The following NLRP9 variants were observed in gnomAD, a reference collection of about 807,000 sequenced individuals.
The protein encoded by NLRP9 is NACHT, LRR and PYD domains-containing protein 9.
A neutral mutation model predicts 83.1 loss-of-function variants in NLRP9; 88 were observed. The ratio of observed to expected loss-of-function variants is 1.06; its 90% CI spans 0.89 to 1.26. The LOEUF is 1.26. Ranked by LOEUF, NLRP9 falls within the 50% of genes most tolerant of loss-of-function variation. The pLI, the probability that NLRP9 is intolerant of heterozygous loss-of-function variation, is 0.00. For missense variants in NLRP9, 1,308 were observed against 1,179.3 expected, an observed-to-expected ratio of 1.11 and a Z score of -1.60; for synonymous variants, 521 against 447.6, an observed-to-expected ratio of 1.16 and a Z score of -2.07.
rs188191573 is a variant in NLRP9 at position 55,718,428 on chromosome 19, T to C, written c.2160-1530A>G. ...GGAATGGAATGTCTAGGTGTAAAGC[T>C]GACCATTCCCATTCATTCCATTCTG... On this transcript the variant is annotated intron_variant, in intron 4 of 8. Coordinates refer to ENST00000332836, the MANE Select transcript of NLRP9 (RefSeq NM_176820.4). Among the ~76,000 whole-genome samples the C allele has an allele frequency of 2.5e-3, 382 of 152,334 alleles. 2 individuals are homozygous for C. The highest frequency in any genetic ancestry group is 4.2e-3 in the Non-Finnish European group (288 of 68,030).
chr19:55,728,380 G>T (rs1568601314), intron 3 of NLRP9, among the ~76,000 whole-genome samples: 1 of 152,046 alleles, frequency 6.6e-6, no homozygotes, highest in East Asian at 1.9e-4. Context: ...TTTGAGACCA[G>T]CCTGGCCAAC....
Position 55,732,235 on chromosome 19 carries a change from T to A in NLRP9, c.1596A>T (p.Gln532His). 1.9e-6 allele frequency: 3 copies of A among 1,614,018 alleles called. No homozygotes were observed. The highest frequency in any genetic ancestry group is 2.5e-6 in the Non-Finnish European group (3 of 1,179,894). The change falls in exon 2 of 9, where the codon CAA becomes CAT. Residue 532 changes from glutamine to histidine, a missense_variant. Coordinates refer to ENST00000332836, the MANE Select transcript of NLRP9 (RefSeq NM_176820.4). ...EITQCLESLSQCEADREAIAF... is the reference protein window; with the variant it reads ...EITQCLESLSHCEADREAIAF... Reference sequence around the variant, plus strand: ...CTATGGCTTCCCTATCAGCTTCACATTGACTTAAACTTTCAAGGCATTGGG... The same window carrying A: ...CTATGGCTTCCCTATCAGCTTCACAATGACTTAAACTTTCAAGGCATTGGG...
In NLRP9 at chr19:55,733,919, A is replaced by ATTTTTTTTTTTTTTTTTTTTTTTTTTTTT. The variant is rs765779528; in HGVS notation, c.281-370_281-369insAAAAAAAAAAAAAAAAAAAAAAAAAAAAA. On this transcript the variant is annotated intron_variant, in intron 1 of 8. Transcript: ENST00000332836. Reference sequence around the variant, plus strand: ...ATAAACTCAACCAGTTGTCAACCAAATTTTTTTTTTTTTTTTTTTTTGAGA... The same window carrying ATTTTTTTTTTTTTTTTTTTTTTTTTTTTT: ...ATAAACTCAACCAGTTGTCAACCAAATTTTTTTTTTTTTTTTTTTTTTTTTTTTTTTTTTTTTTTTTTTTTTTTTTGAGA... Among the ~76,000 whole-genome samples, 5 of 117,866 alleles carry ATTTTTTTTTTTTTTTTTTTTTTTTTTTTT rather than the reference A, an allele frequency of 4.2e-5. 1 individual carries two copies. Among genetic ancestry groups the ATTTTTTTTTTTTTTTTTTTTTTTTTTTTT allele is most frequent in the African/African-American group, 1.8e-4 (5 of 27,910 alleles). 77.3% of individuals were successfully genotyped at this position (117,866 alleles called of 152,430 possible).
At chr19:55,726,356 T>C (rs1360423859) in intron 3 of NLRP9, among the ~76,000 whole-genome samples, 3 of 152,212 alleles carry the variant, frequency 2.0e-5, no homozygotes, top group Non-Finnish European at 1.5e-5. Context: ...TGTTGACTAT[T>C]TGCCTTGTCA....
chr19:55,732,874 T>C lies in NLRP9; in HGVS notation c.957A>G (p.Lys319=), dbSNP rs749754084. 15 of 1,613,944 alleles carry C rather than the reference T, an allele frequency of 9.3e-6. No homozygotes were observed. Among genetic ancestry groups the C allele is most frequent in the Non-Finnish European group, 1.7e-6 (2 of 1,180,032 alleles). ...YFFGEKSKAL[K]VFNFVRDNGP... is the part of the protein sequence containing the mutation. ...CATTATCTCTCACAAAATTGAAGAC[T>C]TTCAGGGCTTTGCTCTTCTCACCAA... Residue 319 remains lysine (K), a synonymous_variant, in exon 2 of 9, where the codon AAA becomes AAG. Transcript: ENST00000332836.
intron 3 of NLRP9, 59 bp from the exon 4 acceptor site, chr19:55,724,203 C>CTCCGTCTCAAAGCAACAACAACAACA: frequency 1.6e-6 from 2 of 1,221,144 alleles, no homozygotes; most frequent in Admixed American, 2.1e-5. Context: ...CAAAGACAGA[C>CTCCGTCTCAAAGCAACAACAACAACA]ACCTCTTGTA....
chr19:55,711,555 T>C lies in NLRP9; in HGVS notation c.2843+245A>G, dbSNP rs757195958. ...AGGGACTTCTGACAATTTCTGGAGC[T>C]CTTTTTGATTGTCACAACTGAGGGA... On this transcript the variant is annotated intron_variant, in intron 8 of 8. Transcript: ENST00000332836. The C allele has an allele frequency of 2.7e-6, 3 of 1,106,586 alleles. No individual in the cohort carries two copies. In the South Asian group the frequency reaches 4.0e-5, roughly 15 times the overall value. The allele number at this position is 1,106,586 out of a possible 1,614,324, so 68.5% of individuals were successfully genotyped here.
At chr19:55,733,942 A>ATTTTTTT (rs1221052980) in intron 1 of NLRP9, among the ~76,000 whole-genome samples, 27 of 45,248 alleles carry the variant, frequency 6.0e-4, no homozygotes, top group Non-Finnish European at 1.0e-3. Context: ...TTTTTTTTTG[A>ATTTTTTT]GACGGAGTCT....
At chr19:55,718,556 A>C (rs1304244755) in intron 4 of NLRP9, among the ~76,000 whole-genome samples, 1 of 152,186 alleles carries the variant, frequency 6.6e-6, no homozygotes, top group African/African-American at 2.4e-5. Context: ...AGAGAAACAT[A>C]AATCTAGCCT....
chr19:55,732,280 T>G lies in NLRP9; in HGVS notation c.1551A>C (p.Lys517Asn), dbSNP rs1457389339. Residue 517 changes from lysine (K) to asparagine (N), a missense_variant, in exon 2 of 9, where the codon AAA (lysine) becomes AAC (asparagine). Coordinates refer to ENST00000332836, the MANE Select transcript of NLRP9 (RefSeq NM_176820.4). Reference sequence around the variant, plus strand: ...ATTGGGTTATTTCCTGCTTTAGGTCTTTTGACAGTGGAAAACCAAAGGAGG... The same window carrying G: ...ATTGGGTTATTTCCTGCTTTAGGTCGTTTGACAGTGGAAAACCAAAGGAGG... Reference protein sequence around the residue: ...LETSFGFPLSKDLKQEITQCL... With the variant: ...LETSFGFPLSNDLKQEITQCL... 2 of 1,614,094 alleles carry G rather than the reference T, an allele frequency of 1.2e-6. No homozygotes were observed. The highest frequency in any genetic ancestry group is 2.7e-5 in the African/African-American group (2 of 74,944).
rs577982853 is a variant in NLRP9 at position 55,726,002 on chromosome 19, G to T, written c.1995-1858C>A. Among the ~76,000 whole-genome samples, 16 of 152,108 alleles carry T rather than the reference G, an allele frequency of 1.1e-4. No homozygotes were observed. In the South Asian group the frequency reaches 1.9e-3, roughly 18 times the overall value. The stretch of plus-strand genomic sequence containing the variant: ...GATTGCACCATTGCACTCCAGCCTA[G>T]GGGACAGAGCGAGACTGTCTCAGAA... On this transcript the variant is annotated intron_variant, in intron 3 of 8. Transcript: ENST00000332836.
chr19:55,716,862 T>C lies in NLRP9; in HGVS notation c.2196A>G (p.Glu732=). 1 of 1,613,816 alleles carries C rather than the reference T, an allele frequency of 6.2e-7. No homozygotes were observed. The highest frequency in any genetic ancestry group is 8.5e-7 in the Non-Finnish European group (1 of 1,179,920). The part of the protein sequence containing the change: ...GKCDISSEVC[E]DIASVLACNS... ...TGCAGGCCAGGACGGAGGCGATGTC[T>C]TCACAAACTTCACTGGAGATGTCAC... The change falls in exon 5 of 9, where the codon GAA becomes GAG. Residue 732 remains glutamate, a synonymous_variant. Coordinates refer to ENST00000332836, the MANE Select transcript of NLRP9 (RefSeq NM_176820.4).
chr19:55,708,837 A>T lies in NLRP9; in HGVS notation c.*75T>A. The T allele has an allele frequency of 9.7e-7, 1 of 1,028,654 alleles. No individual in the cohort carries two copies. The highest frequency in any genetic ancestry group is 1.4e-6 in the Non-Finnish European group (1 of 719,504). The allele number at this position is 1,028,654 out of a possible 1,614,324, so 63.7% of individuals were successfully genotyped here. A position where few individuals can be genotyped will look rare whatever the true frequency, so the allele number is the denominator to read the frequency against. On this transcript the variant is annotated 3_prime_UTR_variant, in exon 9 of 9. Transcript: ENST00000332836. ...TGCTGCCATGATGTGCAATTACAGGATAGAGGTGCCAGGTGAAGGTCCCAC... is the reference window on the plus strand; with the variant it reads ...TGCTGCCATGATGTGCAATTACAGGTTAGAGGTGCCAGGTGAAGGTCCCAC...
At chr19:55,724,589 A>T (rs1988343676) in intron 3 of NLRP9, among the ~76,000 whole-genome samples, 1 of 146,706 alleles carries the variant, frequency 6.8e-6, no homozygotes, top group African/African-American at 2.5e-5. Context: ...TAAAATTAAG[A>T]TTTTTTTTTT....
chr19:55,723,414 A>G (rs1317539488), intron 4 of NLRP9, among the ~76,000 whole-genome samples: 3 of 152,128 alleles, frequency 2.0e-5, no homozygotes, highest in African/African-American at 7.2e-5. Context: ...ACCAGGAAGT[A>G]TCAAGGGAGG....
chr19:55,719,959 G>A (rs1988172345), intron 4 of NLRP9, among the ~76,000 whole-genome samples: 1 of 152,164 alleles, frequency 6.6e-6, no homozygotes, highest in African/African-American at 2.4e-5. Context: ...AAGCATGGCA[G>A]CCTGAATGGG....
At chr19:55,716,524 G>A (rs938712445) in intron 5 of NLRP9, among the ~76,000 whole-genome samples, 1 of 152,084 alleles carries the variant, frequency 6.6e-6, no homozygotes, top group African/African-American at 2.4e-5. Context: ...TTCTCAAAGT[G>A]CTGGGATTAC....
chr19:55,715,547 G>A (rs994244846), intron 5 of NLRP9, among the ~76,000 whole-genome samples: 6 of 152,146 alleles, frequency 3.9e-5, no homozygotes, highest in Non-Finnish European at 5.9e-5. Flanking sequence ...AGCCAGGCAT[G>A]GTGACGCACA....
intron 3 of NLRP9, among the ~76,000 whole-genome samples, chr19:55,727,810 C>A (rs1318510301): frequency 6.6e-6 from 1 of 152,250 alleles, no homozygotes; most frequent in East Asian, 1.9e-4. Flanking sequence ...GTTTAGTCAA[C>A]AGAGAAACAC....
Sources: allele counts gnomAD v4.1 joint callset (sites outside exome capture counted in the v4.1 genomes callset), GRCh38; gene constraint gnomAD v4.1.1; transcripts MANE v1.5; gene names NCBI Gene and HGNC (gene_info 2026-07-23, HGNC 2026-07-21).